Variants in GRK5 observed in about 807,000 individuals in gnomAD.
GRK5 encodes the protein g protein-coupled receptor kinase GRK5.
Under a neutral mutation model 78.4 loss-of-function variants are expected in GRK5, and 40 were observed. The ratio of observed to expected loss-of-function variants is 0.51; its 90% CI spans 0.40 to 0.66. The LOEUF (loss-of-function observed/expected upper bound fraction) is 0.66, where lower values mean the gene tolerates loss of function less well. GRK5 is among the 30% of genes least tolerant of loss of function. The pLI, the probability that GRK5 is intolerant of heterozygous loss-of-function variation, is 0.00. For synonymous variants in GRK5, 289 were observed against 296.8 expected (o/e 0.97, Z 0.27); for missense variants, 598 against 759.9 (o/e 0.79, Z 2.50).
At chr10:119,301,360 C>T (rs771969382) in intron 1 of GRK5, among the ~76,000 whole-genome samples, 1 of 152,196 alleles carries the variant, frequency 6.6e-6, no homozygotes, top group African/African-American at 2.4e-5. Context: ...TTTCACTCAC[C>T]ATTGTCTTTG....
chr10:119,291,339 C>T (rs1849950454), intron 1 of GRK5, among the ~76,000 whole-genome samples: 1 of 152,146 alleles, frequency 6.6e-6, no homozygotes, highest in Non-Finnish European at 1.5e-5. Context: ...CAGGGTTGGG[C>T]GTTCAGCCTG....
intron 2 of GRK5, among the ~76,000 whole-genome samples, chr10:119,330,592 C>A (rs929289802): frequency 2.0e-5 from 3 of 152,134 alleles, no homozygotes; most frequent in African/African-American, 7.2e-5. Flanking sequence ...TCAGTGCCAA[C>A]CTATTCCTAG....
intron 4 of GRK5, among the ~76,000 whole-genome samples, chr10:119,411,991 T>C (rs1852356136): frequency 1.3e-5 from 2 of 151,914 alleles, no homozygotes. Flanking sequence ...GCTGGGACTA[T>C]AGGCATACAC....
At chr10:119,439,883 C>A in intron 10 of GRK5, 115 bp downstream of exon 10, 4 of 886,884 alleles carry the variant, frequency 4.5e-6, no homozygotes, top group South Asian at 1.4e-5. Context: ...CCCACTCCCA[C>A]TGCTCAGTGC....
chr10:119,285,717 CA>C (rs1328665574), intron 1 of GRK5, among the ~76,000 whole-genome samples: 1 of 152,104 alleles, frequency 6.6e-6, no homozygotes, highest in Non-Finnish European at 1.5e-5. Flanking sequence ...CGGTGGCAGG[CA>C]AAAACTTTTA....
At chr10:119,332,454 A>G (rs1355095654) in intron 2 of GRK5, among the ~76,000 whole-genome samples, 1 of 152,136 alleles carries the variant, frequency 6.6e-6, no homozygotes, top group Non-Finnish European at 1.5e-5. Context: ...AGCTTTTCAG[A>G]TATCTGCAAC....
intron 2 of GRK5, among the ~76,000 whole-genome samples, chr10:119,345,032 C>G (rs1217708524): frequency 1.3e-5 from 2 of 151,562 alleles, no homozygotes; most frequent in Non-Finnish European, 2.9e-5. Context: ...GCAGTGGCGC[C>G]ATCTCGGCTC....
intron 2 of GRK5, among the ~76,000 whole-genome samples, chr10:119,373,518 C>G (rs968153375): frequency 6.6e-6 from 1 of 152,202 alleles, no homozygotes; most frequent in Non-Finnish European, 1.5e-5. Context: ...ACGTCCCTTG[C>G]TCTTCTGTCA....
Position 119,443,532 on chromosome 10 carries a change from C to T in GRK5, c.1058-12C>T. On this transcript the variant is annotated splice_polypyrimidine_tract_variant and intron_variant, in intron 11 of 15. Transcript: ENST00000392870. ...CTCCTCCTCACTCCTCTCTCCTCTC[C>T]TCTGCCCCCAGCTCCAGAGGTCCTG... 2 of 1,598,598 alleles carry T rather than the reference C, an allele frequency of 1.3e-6. No individual in the cohort carries two copies. The highest frequency in any genetic ancestry group is 1.7e-6 in the Non-Finnish European group (2 of 1,167,526).
intron 2 of GRK5, among the ~76,000 whole-genome samples, chr10:119,355,510 G>C (rs541458512): frequency 6.6e-6 from 1 of 152,322 alleles, no homozygotes; most frequent in African/African-American, 2.4e-5. Context: ...GCTAGGTGTG[G>C]TGGCTCACGC....
intron 1 of GRK5, among the ~76,000 whole-genome samples, chr10:119,258,910 C>T (rs576715407): frequency 1.4e-3 from 213 of 152,300 alleles, no homozygotes; most frequent in Non-Finnish European, 2.4e-3. Context: ...CCAGCCTGCC[C>T]CCTTCTCAGG....
At position 119,264,111 on chromosome 10, in the gene GRK5, A is replaced by G. The variant is rs535331575; in HGVS notation, c.52+56142A>G. On this transcript the variant is annotated intron_variant, in intron 1 of 15. Transcript: ENST00000392870. This position sits in a 1 kb window ranked among gnomAD's most constrained non-coding sequence, Gnocchi z 4.1. ...AATGTGATGCTCCTCAAGAGAGTCT[A>G]TATTTGTTATCAAAATGAGCCACGT... Among the ~76,000 whole-genome samples the G allele has an allele frequency of 3.0e-3, 452 of 152,280 alleles. 4 individuals carry two copies. The highest frequency in any genetic ancestry group is 3.3e-3 in the Admixed American group (51 of 15,290).
chr10:119,395,512 G>GC (rs1403508591), intron 3 of GRK5, among the ~76,000 whole-genome samples: 6 of 152,180 alleles, frequency 3.9e-5, no homozygotes, highest in African/African-American at 9.7e-5. Context: ...TTTTGAAATA[G>GC]CTGTACTTTT....
rs1027461229 is a variant in GRK5 at position 119,442,143 on chromosome 10, G to A, written c.1057+55G>A. 3.9e-5 allele frequency: 55 copies of A among 1,427,292 alleles called. No homozygotes were observed. In the Middle Eastern group the frequency reaches 8.9e-4, roughly 23 times the overall value. 88.4% of individuals were successfully genotyped at this position (1,427,292 alleles called of 1,614,324 possible). ...CCTTGAGACCCACCACCTGCTCACC[G>A]CCGGCCGAGCCCCCAGAGCCTGCCC... On this transcript the variant is annotated intron_variant, in intron 11 of 15. Coordinates refer to ENST00000392870, the MANE Select transcript of GRK5 (RefSeq NM_005308.3).
chr10:119,234,489 G>A (rs533593799), intron 1 of GRK5, among the ~76,000 whole-genome samples: 30 of 152,304 alleles, frequency 2.0e-4, no homozygotes, highest in African/African-American at 6.7e-4. Flanking sequence ...AAGTTCCACC[G>A]TCAGTAGGAG....
At chr10:119,422,483 T>C (rs1449228853) in intron 4 of GRK5, among the ~76,000 whole-genome samples, 1 of 152,192 alleles carries the variant, frequency 6.6e-6, no homozygotes, top group East Asian at 1.9e-4. Flanking sequence ...GCTGAGCAGT[T>C]AAGACCAAGG....
chr10:119,319,770 C>T (rs1198763553), intron 1 of GRK5, among the ~76,000 whole-genome samples: 1 of 152,240 alleles, frequency 6.6e-6, no homozygotes, highest in Non-Finnish European at 1.5e-5. Flanking sequence ...TCCATTAATT[C>T]CTCTCCCTGA....
intron 1 of GRK5, among the ~76,000 whole-genome samples, chr10:119,213,690 A>G (rs572973319): frequency 8.6e-4 from 131 of 152,276 alleles, no homozygotes; most frequent in African/African-American, 3.1e-3. Flanking sequence ...CCATCCAAAA[A>G]CTGGAAGAAG....
At chr10:119,334,318 AAGAG>A (rs371939721) in intron 2 of GRK5, among the ~76,000 whole-genome samples, 1 of 152,020 alleles carries the variant, frequency 6.6e-6, no homozygotes, top group Non-Finnish European at 1.5e-5. Context: ...AAAAAAGAAA[AAGAG>A]AGAGAGAGAT....
Sources: allele counts gnomAD v4.1 joint callset (sites outside exome capture counted in the v4.1 genomes callset), GRCh38; gene constraint gnomAD v4.1.1; non-coding constraint Gnocchi (gnomAD v3.1); transcripts MANE v1.5; gene names NCBI Gene and HGNC (gene_info 2026-07-23, HGNC 2026-07-21).